NEBL: variants seen among roughly 807,000 people sequenced by gnomAD.
NEBL encodes the protein nebulette.
In NEBL, 122 loss-of-function variants were observed where a neutral mutation model predicts 140.2. The ratio of observed to expected loss-of-function variants is 0.87; its 90% CI spans 0.75 to 1.01. The LOEUF is 1.01. NEBL is among the 50% of genes least tolerant of loss of function. The pLI, the probability that NEBL is intolerant of heterozygous loss-of-function variation, is 0.00. For synonymous variants in NEBL, 436 were observed against 398.9 expected (o/e 1.09, Z -1.11); for missense variants, 1,365 against 1,231.3 (o/e 1.11, Z -1.62).
At chr10:20,799,148 C>T (rs1025172299) in intron 26 of NEBL, among the ~76,000 whole-genome samples, 3 of 152,048 alleles carry the variant, frequency 2.0e-5, no homozygotes, top group African/African-American at 4.8e-5. Context: ...TTAGATTCAT[C>T]GCAGAAATTT....
chr10:21,042,980 T>C (rs1016659390), intron 2 of NEBL, among the ~76,000 whole-genome samples: 7 of 152,144 alleles, frequency 4.6e-5, no homozygotes, highest in African/African-American at 1.7e-4. Context: ...AAAAATAACA[T>C]TGCCCAAGAA....
Position 20,859,433 on chromosome 10 carries a change from ACC to A in NEBL, c.798+278_798+279del, listed in dbSNP as rs1293995710. 5.3e-5 allele frequency among the ~76,000 whole-genome samples: 8 copies of A among 152,200 alleles called. No homozygotes were observed. The East Asian group carries it at 1.5e-3, about 29-fold the overall frequency. On this transcript the variant is annotated intron_variant, in intron 8 of 27. Coordinates refer to ENST00000377122, the MANE Select transcript of NEBL (RefSeq NM_006393.3). ...TAACCACTAATTTGTGTTAATACAGACCACTTCTCTGCAAAATTCTATAATCT... is the reference window on the plus strand; with the variant it reads ...TAACCACTAATTTGTGTTAATACAGAACTTCTCTGCAAAATTCTATAATCT...
chr10:20,927,354 T>C (rs1294193508), intron 4 of NEBL, among the ~76,000 whole-genome samples: 1 of 152,216 alleles, frequency 6.6e-6, no homozygotes, highest in Non-Finnish European at 1.5e-5. Context: ...GAAATCTTAA[T>C]CTGAAGACAG....
At chr10:20,938,491 C>T (rs1169562282) in intron 4 of NEBL, among the ~76,000 whole-genome samples, 1 of 152,146 alleles carries the variant, frequency 6.6e-6, no homozygotes, top group African/African-American at 2.4e-5. Flanking sequence ...GATGGGGAGA[C>T]ACCAGAGCAG....
At chr10:21,194,815 AC>A (rs1439548219) in intron 3 of NEBL, among the ~76,000 whole-genome samples, 2 of 145,404 alleles carry the variant, frequency 1.4e-5, no homozygotes, top group Admixed American at 6.9e-5. Flanking sequence ...CGCCGCCCTG[AC>A]CCCCACCCCC....
chr10:20,799,924 C>CGT (rs145863273), intron 26 of NEBL, among the ~76,000 whole-genome samples: 42,573 of 149,356 alleles, frequency 0.29, 5,951 homozygotes, highest in East Asian at 0.41. Context: ...CCATCTGGCA[C>CGT]GTGTGTGTGT....
At chr10:21,182,693 TGA>T (rs1305835649) in intron 3 of NEBL, among the ~76,000 whole-genome samples, 4 of 152,186 alleles carry the variant, frequency 2.6e-5, no homozygotes, top group Non-Finnish European at 4.4e-5. Flanking sequence ...AGAAATATAA[TGA>T]GAGCCGCAAA....
rs761425280 is a variant in NEBL, at chr10:20,808,567, C to T, written c.2704G>A (p.Glu902Lys). 6.2e-6 allele frequency: 10 copies of T among 1,613,790 alleles called. No individual in the cohort carries two copies. The highest frequency in any genetic ancestry group is 4.5e-5 in the East Asian group (2 of 44,862). ...GLGDDRSEIS[E>K]IYPSFSCCSE... ...CAGCATGAAAAGCTAGGGTAAATCT[C>T]GGAGATTTCTGACCTGTCGTCTCCG... The change falls in exon 26 of 28, where the codon GAG becomes AAG. Residue 902 changes from glutamate to lysine, a missense_variant. This residue lies in a region of NEBL where 1,323 missense variants were observed against 1,154.8 expected (regional missense o/e 1.15). Transcript: ENST00000377122.
At chr10:20,939,992 T>C (rs984505471) in intron 4 of NEBL, among the ~76,000 whole-genome samples, 7 of 150,444 alleles carry the variant, frequency 4.7e-5, no homozygotes, top group Admixed American at 2.0e-4. Flanking sequence ...AATGGGAGAC[T>C]TTAACAACCC....
chr10:21,122,095 G>A (rs191120), intron 2 of NEBL, among the ~76,000 whole-genome samples: 3 of 151,670 alleles, frequency 2.0e-5, no homozygotes, highest in African/African-American at 4.8e-5. Flanking sequence ...GCACGATCTC[G>A]GCTCACTGAA....
intron 1 of NEBL, among the ~76,000 whole-genome samples, chr10:21,264,169 G>GC (rs1842772065): frequency 6.6e-6 from 1 of 152,192 alleles, no homozygotes. Flanking sequence ...TGGATTTGAG[G>GC]CATATCCACT....
chr10:20,808,823 G>C (rs1837863143), intron 25 of NEBL, among the ~76,000 whole-genome samples, 164 bp from the exon 26 acceptor site: 1 of 152,142 alleles, frequency 6.6e-6, no homozygotes, highest in Non-Finnish European at 1.5e-5. Context: ...AGCATGCATT[G>C]CATCAACTAC....
intron 21 of NEBL, 119 bp downstream of exon 21, chr10:20,817,481 G>T: frequency 2.2e-6 from 2 of 893,180 alleles, no homozygotes; most frequent in Non-Finnish European, 3.7e-6. Context: ...TAAGTTGTTA[G>T]TCAAATGAGA....
At chr10:21,260,774 C>T (rs539748689) in intron 1 of NEBL, among the ~76,000 whole-genome samples, 5 of 152,336 alleles carry the variant, frequency 3.3e-5, no homozygotes, top group African/African-American at 1.2e-4. Context: ...TCATTATGCC[C>T]TTGCTGAAGT....
intron 2 of NEBL, among the ~76,000 whole-genome samples, chr10:21,154,920 G>C (rs1229768100): frequency 1.3e-5 from 2 of 152,188 alleles, no homozygotes; most frequent in South Asian, 2.1e-4. Context: ...CACATCATAG[G>C]CTGGGCGTAG....
intron 1 of NEBL, among the ~76,000 whole-genome samples, chr10:21,258,663 C>G (rs1405005168): frequency 6.6e-6 from 1 of 151,042 alleles, no homozygotes; most frequent in Admixed American, 6.6e-5. Context: ...TGAGATCACG[C>G]CATTGCACTC....
chr10:20,854,792 T>C (rs1842892408), intron 9 of NEBL, among the ~76,000 whole-genome samples: 2 of 152,040 alleles, frequency 1.3e-5, no homozygotes, highest in South Asian at 2.1e-4. Flanking sequence ...CTCAAACTCC[T>C]GGCCTCAAGC....
At chr10:20,933,976 A>C (rs1287358233) in intron 4 of NEBL, among the ~76,000 whole-genome samples, 1 of 152,080 alleles carries the variant, frequency 6.6e-6, no homozygotes, top group Non-Finnish European at 1.5e-5. Context: ...CACTATCTTT[A>C]CTTTTGTATT....
intron 4 of NEBL, among the ~76,000 whole-genome samples, chr10:20,917,392 T>G (rs1002801032): frequency 7.9e-5 from 12 of 152,186 alleles, no homozygotes; most frequent in African/African-American, 1.9e-4. Context: ...ATTTTTCATC[T>G]TTTTCACTGA....
Sources: allele counts gnomAD v4.1 joint callset (sites outside exome capture counted in the v4.1 genomes callset), GRCh38; gene constraint gnomAD v4.1.1; regional missense constraint gnomAD v4.1.1; transcripts MANE v1.5; gene names NCBI Gene and HGNC (gene_info 2026-07-23, HGNC 2026-07-21).